The following PUM2 variants were observed in gnomAD, a reference collection of about 807,000 sequenced individuals.
PUM2 encodes pumilio homolog 2.
Under a neutral mutation model 124.5 loss-of-function variants are expected in PUM2, and 57 were observed. The observed-to-expected ratio is 0.46, with a 90% confidence interval of 0.37 to 0.57. The LOEUF (loss-of-function observed/expected upper bound fraction) is 0.57, where lower values mean the gene tolerates loss of function less well. Among genes scored for constraint, PUM2 ranks in the 20% least tolerant of loss-of-function variants. The probability of loss-of-function intolerance (pLI) is 0.00; values close to 1 mark genes in which losing one functional copy is unlikely to be tolerated. For synonymous variants in PUM2, 460 were observed against 446.1 expected, an observed-to-expected ratio of 1.03 and a Z score of -0.39; for missense variants, 1,065 against 1,290.6, an observed-to-expected ratio of 0.83 and a Z score of 2.68.
At chr2:20,273,103 G>A (rs1299663596) in intron 13 of PUM2, among the ~76,000 whole-genome samples, 3 of 152,138 alleles carry the variant, frequency 2.0e-5, no homozygotes, top group East Asian at 3.8e-4. Context: ...TAAATTACAG[G>A]TGAATTCTTG....
intron 1 of PUM2, among the ~76,000 whole-genome samples, chr2:20,340,713 C>T (rs957444221): frequency 6.6e-6 from 1 of 152,148 alleles, no homozygotes; most frequent in African/African-American, 2.4e-5. Context: ...TCATACATCA[C>T]CATATGGCTA....
chr2:20,267,563 A>G (rs1384280101), intron 13 of PUM2, among the ~76,000 whole-genome samples: 1 of 152,230 alleles, frequency 6.6e-6, no homozygotes, highest in Non-Finnish European at 1.5e-5. Flanking sequence ...AAAAGCAGCT[A>G]TGTTCTGCAC....
rs983759149 is a variant in PUM2, at chr2:20,250,302, A to T, written c.*1283T>A. The T allele has an allele frequency of 1.3e-5, 2 of 152,544 alleles. No individual in the cohort carries two copies. Among genetic ancestry groups the T allele is most frequent in the African/African-American group, 2.4e-5 (1 of 41,456 alleles). 9.4% of individuals were successfully genotyped at this position (152,544 alleles called of 1,614,324 possible). On this transcript the variant is annotated 3_prime_UTR_variant, in exon 21 of 21. Transcript: ENST00000361078. ...AACCATATAAAGATAAAAAATTTTT[A>T]AAAAATCACTCTCGATTTGGAGAAA...
chr2:20,287,760 G>A (rs1673069699), intron 10 of PUM2, among the ~76,000 whole-genome samples: 1 of 152,180 alleles, frequency 6.6e-6, no homozygotes, highest in African/African-American at 2.4e-5. Context: ...TAGAGAATTG[G>A]CAAGTTATTG....
At chr2:20,313,110 C>T (rs1680035117) in intron 3 of PUM2, among the ~76,000 whole-genome samples, 1 of 152,096 alleles carries the variant, frequency 6.6e-6, no homozygotes, top group Admixed American at 6.5e-5. Context: ...CCATAAAAAC[C>T]CTAGAAGGAA....
chr2:20,282,159 A>C (rs1192664250), intron 12 of PUM2, among the ~76,000 whole-genome samples: 1 of 152,220 alleles, frequency 6.6e-6, no homozygotes, highest in Non-Finnish European at 1.5e-5. Flanking sequence ...ATGTTTCCTG[A>C]GTACTGTGGA....
chr2:20,255,161 A>C, intron 18 of PUM2, 55 bp downstream of exon 18: 4 of 1,531,104 alleles, frequency 2.6e-6, no homozygotes, highest in Non-Finnish European at 3.6e-6. Flanking sequence ...TCTTTTAAAA[A>C]TTAAAACAAT....
At position 20,254,788 on chromosome 2, in the gene PUM2, C is replaced by T. The variant is rs543153229; in HGVS notation, c.2870+75G>A. 23 of 1,452,468 alleles carry T rather than the reference C, an allele frequency of 1.6e-5. 1 individual carries two copies. The highest frequency in any genetic ancestry group is 1.8e-4 in the Middle Eastern group (1 of 5,632). The allele number at this position is 1,452,468 out of a possible 1,614,324, so 90.0% of individuals were successfully genotyped here. ...CTACAGTTTAATGCTACATGCTACA[C>T]GTATTTCTGTGATAACTAATAAAAG... On this transcript the variant is annotated intron_variant, in intron 19 of 20. Coordinates refer to ENST00000361078, the MANE Select transcript of PUM2 (RefSeq NM_015317.5).
At chr2:20,274,100 G>A (rs1015918770) in intron 13 of PUM2, among the ~76,000 whole-genome samples, 10 of 152,032 alleles carry the variant, frequency 6.6e-5, no homozygotes, top group African/African-American at 2.2e-4. Flanking sequence ...CACTGGTTTG[G>A]GAAAGTCTAT....
chr2:20,337,735 C>T (rs1477542038), intron 1 of PUM2, among the ~76,000 whole-genome samples: 2 of 152,106 alleles, frequency 1.3e-5, no homozygotes, highest in Non-Finnish European at 1.5e-5. Flanking sequence ...TTATTACTTC[C>T]TCAAACATAC....
At chr2:20,330,006 GA>G (rs377409474) in intron 1 of PUM2, among the ~76,000 whole-genome samples, 84 of 139,184 alleles carry the variant, frequency 6.0e-4, no homozygotes, top group African/African-American at 2.2e-3. Flanking sequence ...AGATAAATAA[GA>G]AAAAAAAAAT....
intron 3 of PUM2, among the ~76,000 whole-genome samples, chr2:20,314,226 C>T (rs188533300): frequency 7.9e-5 from 12 of 152,220 alleles, no homozygotes; most frequent in African/African-American, 2.6e-4. Context: ...TTCACAGTTA[C>T]GCACTGGATA....
At chr2:20,317,565 A>C (rs1681262752) in intron 3 of PUM2, among the ~76,000 whole-genome samples, 1 of 152,184 alleles carries the variant, frequency 6.6e-6, no homozygotes, top group Non-Finnish European at 1.5e-5. Flanking sequence ...TTAAACTTTT[A>C]TTCTAGATTG....
intron 3 of PUM2, among the ~76,000 whole-genome samples, chr2:20,313,835 CAAAA>C (rs35569645): frequency 5.5e-5 from 3 of 55,028 alleles, no homozygotes; most frequent in Non-Finnish European, 7.1e-5. Context: ...GATCCTGTCT[CAAAA>C]AAAAAAAAAA....
chr2:20,304,125 A>C (rs576890210), intron 7 of PUM2, among the ~76,000 whole-genome samples: 75 of 152,286 alleles, frequency 4.9e-4, no homozygotes, highest in African/African-American at 1.6e-3. Flanking sequence ...CAGGTCTTTT[A>C]TTAGTAGCTG....
chr2:20,348,093 C>A lies in PUM2; in HGVS notation c.-19+2504G>T, dbSNP rs187258830. On this transcript the variant is annotated intron_variant, in intron 1 of 20. Coordinates refer to ENST00000361078, the MANE Select transcript of PUM2 (RefSeq NM_015317.5). ...ATACCAACATTTTGGGAGGCCAAGG[C>A]GGGAGAACTGCTTGAGCCCAGGAGT... 3.0e-3 allele frequency among the ~76,000 whole-genome samples: 451 copies of A among 151,934 alleles called. 1 individual carries two copies. The highest frequency in any genetic ancestry group is 6.8e-3 in the Middle Eastern group (2 of 292).
chr2:20,291,763 T>A (rs1157083235), intron 9 of PUM2, among the ~76,000 whole-genome samples: 1 of 152,094 alleles, frequency 6.6e-6, no homozygotes, highest in African/African-American at 2.4e-5. Context: ...CTGCCATATA[T>A]GGGATCTTCA....
intron 1 of PUM2, 155 bp from the exon 2 acceptor site, chr2:20,327,533 T>G: frequency 1.7e-6 from 1 of 574,700 alleles, no homozygotes; most frequent in East Asian, 2.9e-5. Context: ...TCCCAGTTTA[T>G]GACAGCAATC....
At chr2:20,315,848 A>AAC (rs1558628481) in intron 3 of PUM2, among the ~76,000 whole-genome samples, 2 of 151,278 alleles carry the variant, frequency 1.3e-5, no homozygotes, top group African/African-American at 4.9e-5. Context: ...AAAAAAAAAA[A>AAC]AAAAAAAAAA....
Sources: gnomAD v4.1 joint callset for allele counts (sites outside exome capture counted in the v4.1 genomes callset) on GRCh38, gnomAD v4.1.1 for gene constraint, MANE v1.5 for transcripts, NCBI Gene and HGNC (gene_info 2026-07-23, HGNC 2026-07-21) for gene names.